The following SCHIP1 variants were observed in gnomAD, a reference collection of about 807,000 sequenced individuals.
SCHIP1 encodes the protein schwannomin interacting protein 1, also known as schwannomin-interacting protein 1.
Under a neutral mutation model 29.7 loss-of-function variants are expected in SCHIP1, and 8 were observed. The observed-to-expected ratio is 0.27, with a 90% confidence interval of 0.16 to 0.49. The LOEUF (loss-of-function observed/expected upper bound fraction) is 0.49. Ranked by LOEUF, SCHIP1 falls within the 20% of genes least tolerant of loss-of-function variation. The probability of loss-of-function intolerance (pLI) is 0.99; values close to 1 mark genes in which losing one functional copy is unlikely to be tolerated. For missense variants in SCHIP1, 193 were observed against 294.6 expected (o/e 0.66, Z 2.52); for synonymous variants, 76 against 94.9 (o/e 0.80, Z 1.16).
the SCHIP1 span, among the ~76,000 whole-genome samples, chr3:159,432,317 TGTGTGTGTGTGTGTGTGTGTGTGAGA>T: frequency 9.4e-6 from 1 of 106,064 alleles, no homozygotes; most frequent in Admixed American, 1.0e-4. Context: ...TGTGTGTGTG[TGTGTGTGTGTGTGTGTGTGTGTGAGA>T]GAGAGAGAGA....
chr3:159,273,726 A>G, the SCHIP1 span: 3 of 1,553,810 alleles, frequency 1.9e-6, no homozygotes. Context: ...CAACCTTACT[A>G]GCTAACCCAG....
the SCHIP1 span, chr3:159,764,694 C>T: frequency 1.3e-6 from 2 of 1,578,310 alleles, no homozygotes; most frequent in African/African-American, 1.3e-5. The surrounding 1 kb of genome is among the most constrained non-coding windows in gnomAD (Gnocchi z 6.1). Flanking sequence ...AAGAGGAGGA[C>T]GAGCGCGACC....
the SCHIP1 span, among the ~76,000 whole-genome samples, chr3:159,383,771 T>C: frequency 2.7e-5 from 4 of 150,222 alleles, no homozygotes; most frequent in African/African-American, 9.8e-5. Context: ...GTTTGTATCC[T>C]CTTTTATTTC....
At chr3:159,511,435 C>T in the SCHIP1 span, among the ~76,000 whole-genome samples, 2 of 152,174 alleles carry the variant, frequency 1.3e-5, no homozygotes, top group Non-Finnish European at 2.9e-5. Flanking sequence ...CAATGCCTCG[C>T]CCTGCTTCAG....
chr3:159,510,261 G>A, the SCHIP1 span, among the ~76,000 whole-genome samples: 1 of 151,638 alleles, frequency 6.6e-6, no homozygotes, highest in Non-Finnish European at 1.5e-5. Context: ...TGATTGAATC[G>A]GCTACTGAAG....
chr3:159,499,990 T>TC, the SCHIP1 span, among the ~76,000 whole-genome samples: 1 of 151,710 alleles, frequency 6.6e-6, no homozygotes, highest in Non-Finnish European at 1.5e-5. Flanking sequence ...TTTATACATT[T>TC]TTTTTTTTAA....
At chr3:159,712,783 A>C in the SCHIP1 span, among the ~76,000 whole-genome samples, 1 of 151,694 alleles carries the variant, frequency 6.6e-6, no homozygotes, top group East Asian at 1.9e-4. Flanking sequence ...GAGAGGAAGA[A>C]AGGAAGGAAG....
At chr3:159,531,299 C>T in the SCHIP1 span, among the ~76,000 whole-genome samples, 2 of 152,288 alleles carry the variant, frequency 1.3e-5, no homozygotes, top group African/African-American at 4.8e-5. Flanking sequence ...CCTGCATTCT[C>T]CAACACCTGG....
the SCHIP1 span, among the ~76,000 whole-genome samples, chr3:159,299,208 G>A: frequency 0.11 from 17,252 of 152,186 alleles, 1,103 homozygotes; most frequent in Middle Eastern, 0.15. Flanking sequence ...GTATATGGGT[G>A]TGTATACTTT....
chr3:159,894,376 G>T (rs1717854009), intron 6 of SCHIP1: 1 of 152,176 alleles, frequency 6.6e-6, no homozygotes, highest in African/African-American at 2.4e-5. Flanking sequence ...GTTCCCAAGG[G>T]AGTTGACCCT....
chr3:159,892,327 T>A, intron 6 of SCHIP1, 137 bp downstream of exon 7: 1 of 950,188 alleles, frequency 1.1e-6, no homozygotes, highest in Non-Finnish European at 1.6e-6. Flanking sequence ...TGGTGCCAGC[T>A]GTTCAGATGG....
the SCHIP1 span, among the ~76,000 whole-genome samples, chr3:159,553,318 G>A: frequency 6.6e-6 from 1 of 150,388 alleles, no homozygotes; most frequent in East Asian, 1.9e-4. Flanking sequence ...TGTTTTATGA[G>A]GGGTGAGAGA....
chr3:159,559,826 G>A, the SCHIP1 span, among the ~76,000 whole-genome samples: 3 of 152,022 alleles, frequency 2.0e-5, no homozygotes, highest in African/African-American at 7.3e-5. Context: ...ACAGAGTTGT[G>A]CAAATAATGG....
the SCHIP1 span, among the ~76,000 whole-genome samples, chr3:159,586,952 A>C: frequency 1.3e-5 from 2 of 152,188 alleles, no homozygotes; most frequent in Non-Finnish European, 2.9e-5. Context: ...CATTAGGGCT[A>C]TCATATACGT....
chr3:159,404,794 G>A, the SCHIP1 span, among the ~76,000 whole-genome samples: 28 of 152,180 alleles, frequency 1.8e-4, no homozygotes, highest in Non-Finnish European at 3.5e-4. Flanking sequence ...AGCAAACATA[G>A]GTGGAAACCA....
chr3:159,884,705 A>T (rs1381299157), intron 2 of SCHIP1, among the ~76,000 whole-genome samples: 1 of 152,160 alleles, frequency 6.6e-6, no homozygotes, highest in Admixed American at 6.5e-5. Context: ...GTTTGCTACT[A>T]TTCAACCCAT....
At chr3:159,531,061 T>C in the SCHIP1 span, among the ~76,000 whole-genome samples, 2 of 152,204 alleles carry the variant, frequency 1.3e-5, no homozygotes, top group Non-Finnish European at 2.9e-5. Context: ...CATATGGCAC[T>C]TGCATTCACC....
the SCHIP1 span, among the ~76,000 whole-genome samples, chr3:159,538,231 A>G: frequency 2.1e-5 from 3 of 144,842 alleles, no homozygotes; most frequent in Non-Finnish European, 4.5e-5. Context: ...GGATACAGCC[A>G]CAAATAACTC....
chr3:159,430,986 A>C, the SCHIP1 span, among the ~76,000 whole-genome samples: 3 of 152,214 alleles, frequency 2.0e-5, no homozygotes, highest in South Asian at 4.1e-4. Context: ...GTTGAAGCCA[A>C]CATGTCCAAG....
Sources: gnomAD v4.1 joint callset for allele counts (sites outside exome capture counted in the v4.1 genomes callset) on GRCh38, gnomAD v4.1.1 for gene constraint, Gnocchi (gnomAD v3.1) non-coding constraint, MANE v1.5 for transcripts, NCBI Gene and HGNC (gene_info 2026-07-23, HGNC 2026-07-21) for gene names.